Variants in VEZT observed in about 807,000 individuals in gnomAD.
The protein encoded by VEZT is vezatin.
VEZT carries 39 observed loss-of-function variants against 79.9 expected under a neutral mutation model. The observed-to-expected ratio is 0.49, with a 90% CI of 0.38 to 0.64. The LOEUF is 0.64. Among genes scored for constraint, VEZT ranks in the 30% least tolerant of loss-of-function variants. The pLI, the probability that VEZT is intolerant of heterozygous loss-of-function variation, is 0.00. For missense variants in VEZT, 837 were observed against 893.1 expected (o/e 0.94, Z 0.80); for synonymous variants, 325 against 327.6 (o/e 0.99, Z 0.09).
intron 1 of VEZT, among the ~76,000 whole-genome samples, chr12:95,236,808 A>G (rs965235488): frequency 1.3e-5 from 2 of 152,114 alleles, no homozygotes; most frequent in African/African-American, 4.8e-5. Context: ...GCTGGTCTCA[A>G]ACTCCTGACC....
intron 1 of VEZT, among the ~76,000 whole-genome samples, chr12:95,242,532 C>G (rs1489705596): frequency 6.6e-6 from 1 of 152,102 alleles, no homozygotes; most frequent in African/African-American, 2.4e-5. Flanking sequence ...CTCCTGGGCT[C>G]AAGCAGGCAT....
chr12:95,275,968 C>A (rs570972059), intron 7 of VEZT: 3 of 151,920 alleles, frequency 2.0e-5, no homozygotes, highest in Non-Finnish European at 4.4e-5. Flanking sequence ...AATAATAAGC[C>A]GACCATTTTG....
intron 1 of VEZT, among the ~76,000 whole-genome samples, chr12:95,243,582 T>G (rs1255948539): frequency 2.0e-5 from 3 of 152,204 alleles, no homozygotes; most frequent in Non-Finnish European, 1.5e-5. Context: ...TAATTTCACC[T>G]GTAAATGTAT....
chr12:95,266,253 T>G, intron 4 of VEZT, 104 bp from the exon 5 acceptor site: 4 of 1,244,606 alleles, frequency 3.2e-6, no homozygotes, highest in Non-Finnish European at 4.4e-6. Flanking sequence ...AGCATTTTAT[T>G]TATTTAGTAA....
chr12:95,256,951 T>C (rs2063571865), intron 2 of VEZT, among the ~76,000 whole-genome samples, 199 bp from the exon 3 acceptor site: 1 of 152,186 alleles, frequency 6.6e-6, no homozygotes, highest in African/African-American at 2.4e-5. Context: ...AACTAAAATC[T>C]CCAGGTGATC....
intron 1 of VEZT, among the ~76,000 whole-genome samples, chr12:95,250,348 G>C (rs1429306830): frequency 2.7e-5 from 4 of 145,934 alleles, no homozygotes; most frequent in Non-Finnish European, 4.5e-5. Context: ...TGTCACCCAG[G>C]CTGGAATGTA....
chr12:95,264,941 C>T (rs1035813534), intron 4 of VEZT, among the ~76,000 whole-genome samples: 31 of 140,620 alleles, frequency 2.2e-4, no homozygotes, highest in Non-Finnish European at 4.5e-4. Flanking sequence ...GGCATGATCT[C>T]GGCTTACTGC....
At position 95,292,548 on chromosome 12, in the gene VEZT, A is replaced by ATTT. The variant is rs11428521; in HGVS notation, c.1523-1708_1523-1706dup. On this transcript the variant is annotated intron_variant, in intron 9 of 11. Transcript: ENST00000436874. ...CACCACTGTTCTACAGATAACTGTA[A>ATTT]TTTTTTTTTTTTTTTTTTGAGACAA... Among the ~76,000 whole-genome samples, 232 of 135,490 alleles carry ATTT rather than the reference A, an allele frequency of 1.7e-3. 3 individuals are homozygous for ATTT. Among genetic ancestry groups the ATTT allele is most frequent in the Non-Finnish European group, 2.7e-3 (173 of 63,494 alleles). The allele number at this position is 135,490 out of a possible 152,430, so 88.9% of individuals were successfully genotyped here.
chr12:95,289,081 CAAA>C (rs71078697), intron 9 of VEZT, among the ~76,000 whole-genome samples: 1 of 123,044 alleles, frequency 8.1e-6, no homozygotes, highest in Non-Finnish European at 1.8e-5. Flanking sequence ...GACTCCGTCT[CAAA>C]AAAAAAAATA....
chr12:95,276,926 C>T (rs1380924380), intron 7 of VEZT, among the ~76,000 whole-genome samples: 2 of 152,040 alleles, frequency 1.3e-5, no homozygotes, highest in African/African-American at 4.8e-5. Flanking sequence ...CTCTTTTTGC[C>T]CACTCACATC....
rs1176829668 is a variant in VEZT at position 95,300,531 on chromosome 12, C to T, written c.2198C>T (p.Pro733Leu). 4 of 1,613,902 alleles carry T rather than the reference C, an allele frequency of 2.5e-6. No individual in the cohort carries two copies. The highest frequency in any genetic ancestry group is 3.4e-6 in the Non-Finnish European group (4 of 1,179,878). Reference sequence around the variant, plus strand: ...AGGCTGGCACGGCTACAGCTGTCACCAGATTTTACCTTCACTGCTGGCCTT... The same window carrying T: ...AGGCTGGCACGGCTACAGCTGTCACTAGATTTTACCTTCACTGCTGGCCTT... ...KQRLARLQLS[P>L]DFTFTAGLAA... The change falls in exon 12 of 12, where the codon CCA (proline) becomes CTA (leucine). Residue 733 changes from proline (P) to leucine (L), a missense_variant. Pro to Leu is a moderately conservative substitution (Grantham distance 98). Transcript: ENST00000436874.
intron 1 of VEZT, among the ~76,000 whole-genome samples, chr12:95,241,450 G>A (rs1435977256): frequency 3.3e-5 from 5 of 152,018 alleles, no homozygotes; most frequent in South Asian, 4.1e-4. Flanking sequence ...GACCAGAGGC[G>A]CACACCACCA....
intron 2 of VEZT, among the ~76,000 whole-genome samples, chr12:95,254,307 C>G (rs1490591257): frequency 7.0e-6 from 1 of 143,564 alleles, no homozygotes; most frequent in Non-Finnish European, 1.5e-5. Context: ...AAGTTTTTAA[C>G]TGTAGGATCT....
intron 1 of VEZT, among the ~76,000 whole-genome samples, chr12:95,231,757 G>A (rs1253123490): frequency 1.3e-5 from 2 of 151,958 alleles, no homozygotes; most frequent in East Asian, 1.9e-4. Context: ...TATTATCTAA[G>A]GTTTAAGGGA....
At chr12:95,285,764 G>A (rs1234871031) in intron 8 of VEZT, among the ~76,000 whole-genome samples, 1 of 151,998 alleles carries the variant, frequency 6.6e-6, no homozygotes, top group Non-Finnish European at 1.5e-5. Flanking sequence ...AATTATTTAT[G>A]ATATTGTAGT....
intron 6 of VEZT, among the ~76,000 whole-genome samples, chr12:95,271,046 A>AT (rs1250519079): frequency 6.6e-6 from 1 of 152,052 alleles, no homozygotes; most frequent in Admixed American, 6.6e-5. Context: ...TTGTAGCTAG[A>AT]TTTTCTTGTC....
At position 95,282,698 on chromosome 12, in the gene VEZT, G is replaced by A. The variant is rs1415056864; in HGVS notation, c.1328+54G>A. The A allele has an allele frequency of 1.2e-5, 18 of 1,447,812 alleles. No homozygotes were observed. In the East Asian group the frequency reaches 1.4e-4, roughly 11 times the overall value. 89.7% of individuals were successfully genotyped at this position (1,447,812 alleles called of 1,614,324 possible). On this transcript the variant is annotated intron_variant, in intron 8 of 11. Transcript: ENST00000436874. ...TCTCGGTAATTAGCAAGCTTCATTC[G>A]TGTACCATTGTGGTTGTTGGCTTGT...
At position 95,300,507 on chromosome 12, in the gene VEZT, G is replaced by A; in HGVS notation, c.2174G>A (p.Arg725Lys). ...RDSLQPSIKQ[R>K]LARLQLSPDF... is the part of the protein sequence containing the mutation. The stretch of plus-strand genomic sequence containing the variant: ...TCATTACAGCCCTCCATTAAGCAGA[G>A]GCTGGCACGGCTACAGCTGTCACCA... Residue 725 changes from arginine to lysine, a missense_variant, in exon 12 of 12, where the codon AGG (arginine) becomes AAG (lysine). Physicochemically the swap from Arg to Lys is conservative, Grantham distance 26. Transcript: ENST00000436874. The A allele has an allele frequency of 6.2e-7, 1 of 1,613,914 alleles. No individual in the cohort carries two copies. Among genetic ancestry groups the A allele is most frequent in the Non-Finnish European group, 8.5e-7 (1 of 1,179,890 alleles).
At chr12:95,259,419 C>T (rs1593557435) in intron 3 of VEZT, among the ~76,000 whole-genome samples, 1 of 152,164 alleles carries the variant, frequency 6.6e-6, no homozygotes, top group East Asian at 1.9e-4. Context: ...ACATACAGTG[C>T]TTACTATGAG....
Sources: allele counts gnomAD v4.1 joint callset (sites outside exome capture counted in the v4.1 genomes callset), GRCh38; gene constraint gnomAD v4.1.1; transcripts MANE v1.5; gene names NCBI Gene and HGNC (gene_info 2026-07-23, HGNC 2026-07-21).